Variants in TTC7B observed in about 807,000 individuals in gnomAD.
TTC7B encodes tetratricopeptide repeat domain 7B.
A neutral mutation model predicts 106.8 loss-of-function variants in TTC7B; 28 were observed. The observed-to-expected ratio is 0.26, with a 90% CI of 0.19 to 0.36. The LOEUF (loss-of-function observed/expected upper bound fraction) is 0.36. Ranked by LOEUF, TTC7B falls within the 10% of genes least tolerant of loss-of-function variation. The pLI is 1.00. For missense variants in TTC7B, 862 were observed against 1,076.4 expected (o/e 0.80, Z 2.79); for synonymous variants, 405 against 430.6 (o/e 0.94, Z 0.74).
At chr14:90,795,517 AG>A (rs1254742849) in intron 1 of TTC7B, among the ~76,000 whole-genome samples, 2 of 152,238 alleles carry the variant, frequency 1.3e-5, no homozygotes, top group African/African-American at 4.8e-5. Flanking sequence ...AGTGCAATGC[AG>A]GGGAAAGAGC....
At chr14:90,607,526 C>T (rs766000654) in intron 17 of TTC7B, among the ~76,000 whole-genome samples, 12 of 152,218 alleles carry the variant, frequency 7.9e-5, no homozygotes, top group Admixed American at 4.6e-4. Flanking sequence ...ATTCTGATCT[C>T]GGATAAGTTC....
chr14:90,712,482 T>C (rs1888487185), intron 5 of TTC7B, among the ~76,000 whole-genome samples: 1 of 152,158 alleles, frequency 6.6e-6, no homozygotes, highest in South Asian at 2.1e-4. Flanking sequence ...TCAAAAGTTT[T>C]CAATAACAAA....
rs936580788 is a variant in TTC7B, at chr14:90,532,352, T to A, written c.*9016A>T. 1 of 152,206 alleles carries A rather than the reference T, an allele frequency of 6.6e-6. No homozygotes were observed. Among genetic ancestry groups the A allele is most frequent in the South Asian group, 2.1e-4 (1 of 4,830 alleles). The allele number at this position is 152,206 out of a possible 1,614,324, so 9.4% of individuals were successfully genotyped here. ...TTGTACATTACAGGATGCTCTTCCC[T>A]CTTCACATGGTCTGGTCCTTGCTGG... On this transcript the variant is annotated 3_prime_UTR_variant, in exon 20 of 20. Coordinates refer to ENST00000328459, the MANE Select transcript of TTC7B (RefSeq NM_001010854.2).
At chr14:90,780,598 G>T in intron 3 of TTC7B, 140 bp downstream of exon 3, 1 of 921,970 alleles carries the variant, frequency 1.1e-6, no homozygotes, top group Non-Finnish European at 1.6e-6. Context: ...CCCAGCATGT[G>T]CTGCAGGGCG....
At chr14:90,621,879 T>C (rs1464943171) in intron 15 of TTC7B, among the ~76,000 whole-genome samples, 3 of 152,182 alleles carry the variant, frequency 2.0e-5, no homozygotes. Context: ...GTATGTTACA[T>C]TAGCACAGAA....
rs974825967 is a variant in TTC7B, at chr14:90,644,150, T to C, written c.1649A>G (p.Asn550Ser). The change falls in exon 15 of 20, where the codon AAC becomes AGC. Residue 550 changes from asparagine to serine, a missense_variant. Transcript: ENST00000328459. ...CAGGAGGGCAAGGAGGTGCAGGGAG[T>C]TGGCATCGTCACCTTGAAGCTGAAG... ...QALQLQGDDA[N>S]SLHLLALLLS... The C allele has an allele frequency of 1.9e-6, 3 of 1,613,426 alleles. No individual in the cohort carries two copies. In the Admixed American group the frequency reaches 5.0e-5, roughly 27 times the overall value.
chr14:90,682,568 A>C (rs1051125471), intron 7 of TTC7B, among the ~76,000 whole-genome samples: 1 of 152,214 alleles, frequency 6.6e-6, no homozygotes, highest in Admixed American at 6.5e-5. Context: ...TGAACGGGTC[A>C]AAACTGTTGG....
At chr14:90,640,808 A>G (rs72691747) in intron 15 of TTC7B, among the ~76,000 whole-genome samples, 14,130 of 152,228 alleles carry the variant, frequency 0.093, 705 homozygotes, top group East Asian at 0.17. Context: ...TATTATTCAC[A>G]TTTTGTAGAT....
chr14:90,593,362 C>T, intron 18 of TTC7B, 124 bp downstream of exon 18: 3 of 1,340,650 alleles, frequency 2.2e-6, no homozygotes, highest in Non-Finnish European at 2.9e-6. Context: ...AAGCTTTGAT[C>T]TCTCCTAATG....
chr14:90,657,585 G>A lies in TTC7B; in HGVS notation c.1237-307C>T. 1 of 255,232 alleles carries A rather than the reference G, an allele frequency of 3.9e-6. No homozygotes were observed. The highest frequency in any genetic ancestry group is 2.2e-5 in the African/African-American group (1 of 45,014). 15.8% of individuals were successfully genotyped at this position (255,232 alleles called of 1,614,324 possible). A position where few individuals can be genotyped will look rare whatever the true frequency, so the allele number is the denominator to read the frequency against. ...ATGGTGGAAGTTTGTTCTTATAAAAGGTAAATATCTAATTTAAGGCACAAA... is the reference window on the plus strand; with the variant it reads ...ATGGTGGAAGTTTGTTCTTATAAAAAGTAAATATCTAATTTAAGGCACAAA... On this transcript the variant is annotated intron_variant, in intron 10 of 19. Transcript: ENST00000328459. This position sits in a 1 kb window ranked among gnomAD's most constrained non-coding sequence, Gnocchi z 4.2.
chr14:90,566,460 AG>A (rs1035266008), intron 19 of TTC7B, among the ~76,000 whole-genome samples: 3 of 152,238 alleles, frequency 2.0e-5, no homozygotes, highest in Non-Finnish European at 4.4e-5. Flanking sequence ...CAATAAGACA[AG>A]GTGTGTCTGT....
chr14:90,808,956 C>G lies in TTC7B; in HGVS notation c.121+7219G>C, dbSNP rs1259092478. On this transcript the variant is annotated intron_variant, in intron 1 of 19. Transcript: ENST00000328459. This position sits in a 1 kb window ranked among gnomAD's most constrained non-coding sequence, Gnocchi z 4.2. ...GGTGTACCAGTTAGAACGCCTTCAG[C>G]AGCCAGTAACGACCAAACGCCTGAC... 2.0e-5 allele frequency among the ~76,000 whole-genome samples: 3 copies of G among 152,234 alleles called. No homozygotes were observed. The highest frequency in any genetic ancestry group is 7.2e-5 in the African/African-American group (3 of 41,462).
At chr14:90,650,249 C>G (rs894699508) in intron 13 of TTC7B, among the ~76,000 whole-genome samples, 1 of 152,188 alleles carries the variant, frequency 6.6e-6, no homozygotes, top group African/African-American at 2.4e-5. Context: ...AAAGCCAGAA[C>G]CTTGCTGCCT....
chr14:90,720,539 G>A (rs1215667871), intron 5 of TTC7B, among the ~76,000 whole-genome samples: 1 of 152,098 alleles, frequency 6.6e-6, no homozygotes, highest in Admixed American at 6.6e-5. Context: ...CAGACCACAT[G>A]GTGTGTTCCT....
chr14:90,756,746 G>A (rs1890315052), intron 3 of TTC7B, among the ~76,000 whole-genome samples: 1 of 152,140 alleles, frequency 6.6e-6, no homozygotes, highest in Non-Finnish European at 1.5e-5. Context: ...GACAGACATG[G>A]TGTCACAGAA....
chr14:90,751,607 T>G (rs1890139667), intron 3 of TTC7B, among the ~76,000 whole-genome samples: 1 of 152,004 alleles, frequency 6.6e-6, no homozygotes, highest in Non-Finnish European at 1.5e-5. Context: ...TATTTTTATT[T>G]TTTGTAGAGA....
chr14:90,706,895 A>C (rs773482100), intron 5 of TTC7B, among the ~76,000 whole-genome samples: 1 of 152,222 alleles, frequency 6.6e-6, no homozygotes, highest in South Asian at 2.1e-4. Context: ...ACACACATAC[A>C]TGTACATATG....
chr14:90,775,334 C>G (rs1235660144), intron 3 of TTC7B, among the ~76,000 whole-genome samples: 1 of 152,122 alleles, frequency 6.6e-6, no homozygotes, highest in African/African-American at 2.4e-5. Context: ...CCTGCACAAC[C>G]CTGTAAGGTA....
At chr14:90,635,816 G>A (rs536409259) in intron 15 of TTC7B, among the ~76,000 whole-genome samples, 3 of 145,882 alleles carry the variant, frequency 2.1e-5, no homozygotes, top group African/African-American at 5.0e-5. Flanking sequence ...CATCCAAAAC[G>A]TATTTTAAAA....
Sources: gnomAD v4.1 joint callset for allele counts (sites outside exome capture counted in the v4.1 genomes callset) on GRCh38, gnomAD v4.1.1 for gene constraint, Gnocchi (gnomAD v3.1) non-coding constraint, MANE v1.5 for transcripts, NCBI Gene and HGNC (gene_info 2026-07-23, HGNC 2026-07-21) for gene names.